The following MACROD2 variants were observed in gnomAD, a reference collection of about 807,000 sequenced individuals.
MACROD2 encodes ADP-ribose glycohydrolase MACROD2.
In MACROD2, 36 loss-of-function variants were observed where a neutral mutation model predicts 70.4. The observed-to-expected ratio is 0.51, with a 90% CI of 0.39 to 0.68. The LOEUF (loss-of-function observed/expected upper bound fraction) is 0.68. Ranked by LOEUF, MACROD2 falls within the 30% of genes least tolerant of loss-of-function variation. The pLI, the probability that MACROD2 is intolerant of heterozygous loss-of-function variation, is 0.00. For synonymous variants in MACROD2, 172 were observed against 178.8 expected, an observed-to-expected ratio of 0.96 and a Z score of 0.30; for missense variants, 496 against 538.4, an observed-to-expected ratio of 0.92 and a Z score of 0.78.
intron 16 of MACROD2, among the ~76,000 whole-genome samples, chr20:16,043,768 C>G (rs1218267663): frequency 6.6e-6 from 1 of 152,072 alleles, no homozygotes; most frequent in Non-Finnish European, 1.5e-5. Flanking sequence ...GAAAGTATGG[C>G]AAACCAAACA....
At chr20:14,328,937 T>C (rs2082784587) in intron 3 of MACROD2, 1 of 152,120 alleles carries the variant, frequency 6.6e-6, no homozygotes, top group African/African-American at 2.4e-5. Context: ...GAAATTGCCC[T>C]CTTTGAAATT....
chr20:14,084,231 T>G (rs995774641), intron 2 of MACROD2, among the ~76,000 whole-genome samples: 14 of 151,998 alleles, frequency 9.2e-5, no homozygotes, highest in Non-Finnish European at 1.5e-4. Context: ...AAAGACAATT[T>G]AGGTGACTCA....
chr20:14,133,227 C>T lies in MACROD2; in HGVS notation c.271+47499C>T, dbSNP rs532290021. Among the ~76,000 whole-genome samples the T allele has an allele frequency of 7.1e-4, 108 of 152,338 alleles. 1 individual carries two copies. The highest frequency in any genetic ancestry group is 1.2e-3 in the Non-Finnish European group (85 of 68,042). ...CAAGTTGATACATAAAATTAACCAT[C>T]ACAATGACCTACCTTAAAGTTCTTA... On this transcript the variant is annotated intron_variant, in intron 3 of 17. Transcript: ENST00000684519.
intron 15 of MACROD2, among the ~76,000 whole-genome samples, chr20:15,998,867 T>A (rs2066670065): frequency 6.6e-6 from 1 of 152,066 alleles, no homozygotes; most frequent in African/African-American, 2.4e-5. Context: ...CCCAGCTGAG[T>A]CCTCTTTTTT....
In MACROD2 at chr20:14,930,959, A is replaced by T. The variant is rs185933238; in HGVS notation, c.418+246000A>T. Among the ~76,000 whole-genome samples, 271 of 151,698 alleles carry T rather than the reference A, an allele frequency of 1.8e-3. 1 individual carries two copies. Among genetic ancestry groups the T allele is most frequent in the African/African-American group, 6.1e-3 (254 of 41,364 alleles). On this transcript the variant is annotated intron_variant, in intron 5 of 17. Transcript: ENST00000684519. ...GCAGGAGGATCACTTGAGCCTAGGA[A>T]TTCAAGGCCAGCCTGGGCAACATAG... is the stretch of plus-strand genomic sequence containing the variant.
chr20:14,166,412 A>G (rs773159567), intron 3 of MACROD2, among the ~76,000 whole-genome samples: 3 of 151,982 alleles, frequency 2.0e-5, no homozygotes, highest in Non-Finnish European at 4.4e-5. Context: ...TCAAATTTTC[A>G]GTTAGCTTTC....
At chr20:14,940,292 C>G (rs986856266) in intron 5 of MACROD2, among the ~76,000 whole-genome samples, 2 of 152,062 alleles carry the variant, frequency 1.3e-5, no homozygotes, top group Admixed American at 6.6e-5. Context: ...GGTGATCGCA[C>G]CACTGCACTA....
chr20:14,668,144 A>G (rs759321512), intron 4 of MACROD2, among the ~76,000 whole-genome samples: 1 of 151,510 alleles, frequency 6.6e-6, no homozygotes, highest in Non-Finnish European at 1.5e-5. Flanking sequence ...ACAGAGTGAG[A>G]CCCTGTCTCT....
At chr20:14,102,097 A>G (rs1199296417) in intron 3 of MACROD2, among the ~76,000 whole-genome samples, 1 of 137,540 alleles carries the variant, frequency 7.3e-6, no homozygotes. Context: ...TCCGCCTCCC[A>G]GGTTCAAGTG....
chr20:15,237,841 C>T (rs559333297), intron 6 of MACROD2, among the ~76,000 whole-genome samples: 1 of 152,092 alleles, frequency 6.6e-6, no homozygotes, highest in Non-Finnish European at 1.5e-5. Context: ...AGGACTGCTC[C>T]TGGGTCATTA....
intron 2 of MACROD2, among the ~76,000 whole-genome samples, chr20:14,068,999 A>T (rs2053805156): frequency 6.6e-6 from 1 of 151,988 alleles, no homozygotes; most frequent in African/African-American, 2.4e-5. Flanking sequence ...CCCAGGCTGG[A>T]GTACAGTGGC....
intron 3 of MACROD2, among the ~76,000 whole-genome samples, chr20:14,407,421 T>A (rs1319445824): frequency 1.3e-5 from 2 of 152,038 alleles, no homozygotes; most frequent in Non-Finnish European, 2.9e-5. Flanking sequence ...TCTCTCCCAC[T>A]CTCTATCTTT....
intron 6 of MACROD2, among the ~76,000 whole-genome samples, chr20:15,357,110 T>TA (rs896129537): frequency 3.6e-4 from 53 of 147,220 alleles, no homozygotes; most frequent in East Asian, 2.6e-3. Flanking sequence ...CATCAAAGAG[T>TA]AAAAAAAAAA....
intron 3 of MACROD2, among the ~76,000 whole-genome samples, chr20:14,107,716 G>C (rs2054389794): frequency 6.6e-6 from 1 of 152,120 alleles, no homozygotes; most frequent in Non-Finnish European, 1.5e-5. Flanking sequence ...CTGCATGCCA[G>C]GAGAGAATGG....
At chr20:14,555,747 G>T (rs914757923) in intron 4 of MACROD2, among the ~76,000 whole-genome samples, 3 of 152,046 alleles carry the variant, frequency 2.0e-5, no homozygotes, top group African/African-American at 7.2e-5. Flanking sequence ...GTACATGGGG[G>T]ACGTTGTGCT....
At chr20:15,273,751 A>G (rs2077366505) in intron 6 of MACROD2, among the ~76,000 whole-genome samples, 1 of 152,184 alleles carries the variant, frequency 6.6e-6, no homozygotes, top group Non-Finnish European at 1.5e-5. Context: ...GACATAGTGT[A>G]TGGTGAATGG....
chr20:15,753,590 T>C (rs2051304995), intron 8 of MACROD2, among the ~76,000 whole-genome samples: 1 of 152,328 alleles, frequency 6.6e-6, no homozygotes. Context: ...AGTACTTATG[T>C]CTTTGTGGTA....
chr20:14,146,942 A>G (rs543595253), intron 3 of MACROD2, among the ~76,000 whole-genome samples: 4 of 152,310 alleles, frequency 2.6e-5, no homozygotes, highest in Admixed American at 6.5e-5. Context: ...GACATAGGCC[A>G]GGGCTTTTGT....
chr20:15,464,752 G>A (rs2046863211), intron 7 of MACROD2, among the ~76,000 whole-genome samples: 1 of 152,136 alleles, frequency 6.6e-6, no homozygotes, highest in African/African-American at 2.4e-5. Flanking sequence ...GCCGTCCCTG[G>A]AAATTAATTG....
Sources: gnomAD v4.1 joint callset for allele counts (sites outside exome capture counted in the v4.1 genomes callset) on GRCh38, gnomAD v4.1.1 for gene constraint, MANE v1.5 for transcripts, NCBI Gene and HGNC (gene_info 2026-07-23, HGNC 2026-07-21) for gene names.